The following TMEM117 variants were observed in gnomAD, a reference collection of about 807,000 sequenced individuals.
The protein encoded by TMEM117 is transmembrane protein 117.
A neutral mutation model predicts 52.4 loss-of-function variants in TMEM117; 27 were observed. That is an observed-to-expected ratio of 0.51 (90% CI 0.38 to 0.71). The LOEUF is 0.71. Ranked by LOEUF, TMEM117 falls within the 30% of genes least tolerant of loss-of-function variation. The pLI is 0.00. For synonymous variants in TMEM117, 215 were observed against 206.3 expected, an observed-to-expected ratio of 1.04 and a Z score of -0.36; for missense variants, 556 against 630.5, an observed-to-expected ratio of 0.88 and a Z score of 1.26.
rs1946069207 is a variant in TMEM117, at chr12:43,998,606, A to G, written c.410+54264A>G. On this transcript the variant is annotated intron_variant, in intron 3 of 7. Transcript: ENST00000266534. ...TGAAGTGTAAGTCTAAACTTGTAAA[A>G]TAATACAACTGGAAAATTAAAACAT... Among the ~76,000 whole-genome samples the G allele has an allele frequency of 7.9e-5, 12 of 152,356 alleles. No individual in the cohort carries two copies. The South Asian group carries it at 2.5e-3, about 32-fold the overall frequency.
At chr12:44,140,937 C>A (rs1948562056) in intron 3 of TMEM117, among the ~76,000 whole-genome samples, 1 of 152,088 alleles carries the variant, frequency 6.6e-6, no homozygotes, top group Admixed American at 6.5e-5. Context: ...GAAAGGCAAC[C>A]AGCTGTGTGT....
At chr12:44,257,272 G>T (rs1031293441) in intron 5 of TMEM117, among the ~76,000 whole-genome samples, 1 of 151,694 alleles carries the variant, frequency 6.6e-6, no homozygotes, top group Admixed American at 6.6e-5. Context: ...GGAGCCGTAG[G>T]CATCTGCACT....
intron 7 of TMEM117, 80 bp downstream of exon 7, chr12:44,376,804 A>G: frequency 1.4e-6 from 2 of 1,439,782 alleles, no homozygotes; most frequent in South Asian, 1.4e-5. Flanking sequence ...AAAGCAAGCC[A>G]TAATATTTGA....
chr12:43,843,842 C>G (rs114824810), intron 1 of TMEM117, among the ~76,000 whole-genome samples: 360 of 152,282 alleles, frequency 2.4e-3, no homozygotes, highest in African/African-American at 8.4e-3. Flanking sequence ...TATTTGATAA[C>G]TAGGCTGTGA....
At chr12:44,179,552 C>A (rs1447660586) in intron 4 of TMEM117, among the ~76,000 whole-genome samples, 1 of 152,244 alleles carries the variant, frequency 6.6e-6, no homozygotes, top group Non-Finnish European at 1.5e-5. Flanking sequence ...TGGGAAGACT[C>A]AGCAGCAAGC....
chr12:43,806,432 C>G, the TMEM117 span: 14 of 1,123,308 alleles, frequency 1.2e-5, no homozygotes, highest in Non-Finnish European at 1.5e-5. Context: ...TTCCTGGCCG[C>G]CGGGCTGCGG....
chr12:43,924,829 T>G (rs10785475), intron 2 of TMEM117, among the ~76,000 whole-genome samples: 26,154 of 152,052 alleles, frequency 0.17, 3,408 homozygotes, highest in African/African-American at 0.36. Flanking sequence ...AAACATTTGT[T>G]TTCTCATAGT....
At chr12:44,190,721 A>G (rs1231177991) in intron 4 of TMEM117, among the ~76,000 whole-genome samples, 1 of 151,854 alleles carries the variant, frequency 6.6e-6, no homozygotes, top group East Asian at 1.9e-4. Flanking sequence ...GCACAACCAT[A>G]TCTGAACTGA....
chr12:44,010,852 C>T (rs74087907), intron 3 of TMEM117, among the ~76,000 whole-genome samples: 3,550 of 152,270 alleles, frequency 0.023, 141 homozygotes, highest in African/African-American at 0.08. Context: ...TGTATCTAAA[C>T]ATATACACAT....
chr12:43,934,346 A>G (rs1944917527), intron 2 of TMEM117, among the ~76,000 whole-genome samples: 1 of 152,144 alleles, frequency 6.6e-6, no homozygotes, highest in Admixed American at 6.5e-5. Context: ...ATTTAGTTAA[A>G]CTTGAGGATA....
At chr12:43,838,292 G>A (rs1398281438) in intron 1 of TMEM117, among the ~76,000 whole-genome samples, 3 of 151,972 alleles carry the variant, frequency 2.0e-5, no homozygotes, top group Admixed American at 6.6e-5. Context: ...GACCAGGTAG[G>A]TTGGAAAGTA....
chr12:44,286,876 G>T (rs1240314226), intron 5 of TMEM117, among the ~76,000 whole-genome samples: 2 of 152,016 alleles, frequency 1.3e-5, no homozygotes, highest in Non-Finnish European at 2.9e-5. Flanking sequence ...AAAAAAGGTG[G>T]TCTACTACAA....
At chr12:44,265,850 CTA>C (rs1392531850) in intron 5 of TMEM117, among the ~76,000 whole-genome samples, 9 of 152,088 alleles carry the variant, frequency 5.9e-5, no homozygotes, top group African/African-American at 1.2e-4. Flanking sequence ...GAATAATACA[CTA>C]TGTGGTATTT....
intron 3 of TMEM117, among the ~76,000 whole-genome samples, chr12:44,097,646 A>C (rs1565826226): frequency 6.8e-6 from 1 of 147,984 alleles, no homozygotes; most frequent in Non-Finnish European, 1.5e-5. Context: ...GTTCTCACTC[A>C]TAGGTGGGAA....
chr12:44,228,585 A>T (rs920592368), intron 5 of TMEM117, among the ~76,000 whole-genome samples: 2 of 152,158 alleles, frequency 1.3e-5, no homozygotes, highest in African/African-American at 4.8e-5. Flanking sequence ...TGATCTGAAG[A>T]GACCACTTCA....
At chr12:43,864,829 G>C (rs1353813335) in intron 2 of TMEM117, among the ~76,000 whole-genome samples, 1 of 152,158 alleles carries the variant, frequency 6.6e-6, no homozygotes, top group Non-Finnish European at 1.5e-5. Context: ...TTCTTTTGCT[G>C]TTTGCAATAA....
At chr12:43,899,217 T>A (rs530466468) in intron 2 of TMEM117, among the ~76,000 whole-genome samples, 1 of 152,312 alleles carries the variant, frequency 6.6e-6, no homozygotes, top group Non-Finnish European at 1.5e-5. Context: ...TTAGCTGCAA[T>A]TGAAAGCAGC....
chr12:44,010,349 G>C (rs1461937413), intron 3 of TMEM117: 3 of 416,870 alleles, frequency 7.2e-6, no homozygotes, highest in African/African-American at 6.2e-5. Context: ...TGCTGCTCTG[G>C]GTATTGAAGC....
At chr12:43,902,906 A>G (rs1185416735) in intron 2 of TMEM117, among the ~76,000 whole-genome samples, 1 of 152,192 alleles carries the variant, frequency 6.6e-6, no homozygotes, top group African/African-American at 2.4e-5. Context: ...CTAAATAGAA[A>G]AAAAAAATGC....
Sources: gnomAD v4.1 joint callset for allele counts (sites outside exome capture counted in the v4.1 genomes callset) on GRCh38, gnomAD v4.1.1 for gene constraint, MANE v1.5 for transcripts, NCBI Gene and HGNC (gene_info 2026-07-23, HGNC 2026-07-21) for gene names.